The following DMRT1 variants were observed in gnomAD, a reference collection of about 807,000 sequenced individuals.
The protein encoded by DMRT1 is doublesex- and mab-3-related transcription factor 1.
A neutral mutation model predicts 32.3 loss-of-function variants in DMRT1; 7 were observed. That is an observed-to-expected ratio of 0.22 (90% confidence interval 0.12 to 0.41). The LOEUF (loss-of-function observed/expected upper bound fraction) is 0.41, where lower values mean the gene tolerates loss of function less well. Ranked by LOEUF, DMRT1 falls within the 10% of genes least tolerant of loss-of-function variation. The probability of loss-of-function intolerance (pLI) is 1.00; values close to 1 mark genes in which losing one functional copy is unlikely to be tolerated. For synonymous variants in DMRT1, 278 were observed against 206.1 expected (o/e 1.35, Z -2.99); for missense variants, 625 against 500.5 (o/e 1.25, Z -2.37).
chr9:907,690 A>G (rs1432594098), intron 3 of DMRT1, among the ~76,000 whole-genome samples: 2 of 152,210 alleles, frequency 1.3e-5, no homozygotes, highest in African/African-American at 4.8e-5. Flanking sequence ...CATACACAAA[A>G]TGACAAGTTT....
chr9:895,053 G>A (rs1330075008), intron 3 of DMRT1: 2 of 152,204 alleles, frequency 1.3e-5, no homozygotes, highest in Non-Finnish European at 2.9e-5. Context: ...GACCTCAGGT[G>A]ATCCGCCCGC....
chr9:933,043 G>T (rs1818777767), intron 4 of DMRT1, among the ~76,000 whole-genome samples: 1 of 151,994 alleles, frequency 6.6e-6, no homozygotes. Context: ...CTCCCGAGTG[G>T]CTGGGATTAC....
chr9:868,719 G>A (rs1046220708), intron 2 of DMRT1, among the ~76,000 whole-genome samples: 5 of 152,198 alleles, frequency 3.3e-5, no homozygotes, highest in African/African-American at 1.2e-4. Flanking sequence ...AAGTTTAAAA[G>A]TTAGCATCGG....
chr9:887,197 T>TCAAA (rs961112200), intron 2 of DMRT1, among the ~76,000 whole-genome samples: 3 of 152,154 alleles, frequency 2.0e-5, no homozygotes, highest in African/African-American at 7.2e-5. Flanking sequence ...AGACTGTCTC[T>TCAAA]CAAACAAACA....
intron 4 of DMRT1, among the ~76,000 whole-genome samples, chr9:953,490 A>G (rs894895196): frequency 1.3e-5 from 2 of 152,174 alleles, no homozygotes; most frequent in Admixed American, 6.5e-5. Flanking sequence ...GCAGTTGTCA[A>G]AGGCCTCTGC....
intron 2 of DMRT1, among the ~76,000 whole-genome samples, chr9:869,717 A>G (rs1041865491): frequency 6.6e-6 from 1 of 151,766 alleles, no homozygotes. Flanking sequence ...GGCTTTTTCA[A>G]TCCCCGAGAA....
At chr9:867,452 A>G (rs1352792932) in intron 2 of DMRT1, among the ~76,000 whole-genome samples, 2 of 152,246 alleles carry the variant, frequency 1.3e-5, no homozygotes, top group African/African-American at 4.8e-5. Context: ...GGTGGTAGTA[A>G]TAATTATAAC....
At chr9:854,951 T>C (rs1445068058) in intron 2 of DMRT1, among the ~76,000 whole-genome samples, 1 of 150,400 alleles carries the variant, frequency 6.6e-6, no homozygotes. Context: ...GTATTTTTAG[T>C]AGAGACGGGG....
At chr9:905,488 CTGTG>C (rs57056050) in intron 3 of DMRT1, among the ~76,000 whole-genome samples, 4 of 147,830 alleles carry the variant, frequency 2.7e-5, no homozygotes, top group Non-Finnish European at 4.5e-5. Context: ...GTGTGTGTGT[CTGTG>C]TGTGTGTGTG....
chr9:884,665 C>T (rs969070609), intron 2 of DMRT1, among the ~76,000 whole-genome samples: 1 of 152,130 alleles, frequency 6.6e-6, no homozygotes, highest in African/African-American at 2.4e-5. Flanking sequence ...GGAGTATATA[C>T]CAATGGTAAC....
Position 878,683 on chromosome 9 carries a change from G to A in DMRT1, c.539-15229G>A, listed in dbSNP as rs182737543. 1.1e-3 allele frequency among the ~76,000 whole-genome samples: 161 copies of A among 152,216 alleles called. 1 individual carries two copies. The highest frequency in any genetic ancestry group is 1.8e-4 in the Non-Finnish European group (12 of 68,018). On this transcript the variant is annotated intron_variant, in intron 2 of 4. Transcript: ENST00000382276. ...ATTTGGAGCAAGGATAACTTTGTGC[G>A]GAGTTATTTGGTGGCTCTCTTGCTT... is the stretch of plus-strand genomic sequence containing the variant.
chr9:907,788 A>T (rs541881839), intron 3 of DMRT1, among the ~76,000 whole-genome samples: 12 of 151,612 alleles, frequency 7.9e-5, no homozygotes, highest in African/African-American at 2.7e-4. Context: ...GTTCTATTCT[A>T]TTGCATTCTG....
At chr9:858,644 C>G (rs145885792) in intron 2 of DMRT1, among the ~76,000 whole-genome samples, 9 of 151,904 alleles carry the variant, frequency 5.9e-5, no homozygotes, top group Admixed American at 3.3e-4. Flanking sequence ...GAGGCCGAGG[C>G]GGGCAGATCA....
chr9:935,912 C>T (rs980582761), intron 4 of DMRT1, among the ~76,000 whole-genome samples: 14 of 152,180 alleles, frequency 9.2e-5, no homozygotes, highest in Admixed American at 3.3e-4. Context: ...AGAGGAAATT[C>T]TGTGTATTGT....
At chr9:944,326 C>T (rs1819172990) in intron 4 of DMRT1, among the ~76,000 whole-genome samples, 1 of 152,112 alleles carries the variant, frequency 6.6e-6, no homozygotes, top group Non-Finnish European at 1.5e-5. Flanking sequence ...AGATTACAGT[C>T]AAGAGTAATT....
At chr9:933,353 C>T (rs1316853047) in intron 4 of DMRT1, among the ~76,000 whole-genome samples, 1 of 152,188 alleles carries the variant, frequency 6.6e-6, no homozygotes. Context: ...TCAGGAAATT[C>T]CAAGGGTTTT....
At chr9:902,036 A>C (rs1817601402) in intron 3 of DMRT1, among the ~76,000 whole-genome samples, 1 of 149,806 alleles carries the variant, frequency 6.7e-6, no homozygotes, top group Admixed American at 6.7e-5. Context: ...CAGCGTCCTG[A>C]GTAGCTGGGA....
At chr9:929,116 G>A (rs1039470100) in intron 4 of DMRT1, among the ~76,000 whole-genome samples, 4 of 152,108 alleles carry the variant, frequency 2.6e-5, no homozygotes, top group Non-Finnish European at 5.9e-5. Flanking sequence ...TAGGATTACA[G>A]GCATGAGCCA....
intron 3 of DMRT1, among the ~76,000 whole-genome samples, chr9:896,479 C>G (rs76308874): frequency 0.058 from 8,807 of 151,808 alleles, 486 homozygotes; most frequent in African/African-American, 0.15. Context: ...ACCTCGAGCT[C>G]CCGGCAACCA....
Sources: gnomAD v4.1 joint callset for allele counts (sites outside exome capture counted in the v4.1 genomes callset) on GRCh38, gnomAD v4.1.1 for gene constraint, MANE v1.5 for transcripts, NCBI Gene and HGNC (gene_info 2026-07-23, HGNC 2026-07-21) for gene names.